The following EXOSC6 variants were observed in gnomAD, a reference collection of about 807,000 sequenced individuals.
The protein encoded by EXOSC6 is exosome component 6, also known as exosome complex component MTR3.
A neutral mutation model predicts 16.7 loss-of-function variants in EXOSC6; 21 were observed. The observed-to-expected ratio is 1.26, with a 90% CI of 0.89 to 1.82. The LOEUF (loss-of-function observed/expected upper bound fraction) is 1.82. Ranked by LOEUF, EXOSC6 falls within the 40% of genes most tolerant of loss-of-function variation. The pLI is 0.00. For synonymous variants in EXOSC6, 297 were observed against 217.1 expected, an observed-to-expected ratio of 1.37 and a Z score of -3.24; for missense variants, 538 against 415.7, an observed-to-expected ratio of 1.29 and a Z score of -2.56.
chr16:70,251,054 T>G lies in EXOSC6; in HGVS notation c.*28A>C, dbSNP rs1330375147. The G allele has an allele frequency of 2.1e-6, 3 of 1,445,764 alleles. No homozygotes were observed. The highest frequency in any genetic ancestry group is 2.7e-6 in the Non-Finnish European group (3 of 1,110,898). 89.6% of individuals were successfully genotyped at this position (1,445,764 alleles called of 1,614,324 possible). A position where few individuals can be genotyped will look rare whatever the true frequency, so the allele number is the denominator to read the frequency against. ...GACGGCGGCAGCACGGTCCTCGGCT[T>G]GCGTCCGTAGTTGCTCAGGCTTCTG... On this transcript the variant is annotated 3_prime_UTR_variant, in exon 1 of 1. Coordinates refer to ENST00000435634, the MANE Select transcript of EXOSC6 (RefSeq NM_058219.3).
Position 70,251,446 on chromosome 16 carries a change from TC to T in EXOSC6, c.454del (p.Glu152ArgfsTer68). On this transcript the variant is annotated frameshift_variant, in exon 1 of 1. Coordinates refer to ENST00000435634, the MANE Select transcript of EXOSC6 (RefSeq NM_058219.3). LOFTEE classifies it high-confidence loss of function. ...AQLEVSALLL[E>X]DGGSALAAAL... ...GGCGGCCAGGGCCGAGCCACCGTCC[TC>T]CAGCAGCAGCGCCGACACCTCGAGC... 1 of 1,346,974 alleles carries T rather than the reference TC, an allele frequency of 7.4e-7. No homozygotes were observed. Among genetic ancestry groups the T allele is most frequent in the Non-Finnish European group, 9.5e-7 (1 of 1,051,110 alleles). The allele number at this position is 1,346,974 out of a possible 1,614,324, so 83.4% of individuals were successfully genotyped here. A position where few individuals can be genotyped will look rare whatever the true frequency, so the allele number is the denominator to read the frequency against.
chr16:70,251,495 G>C lies in EXOSC6; in HGVS notation c.406C>G (p.Leu136Val). 7.7e-7 allele frequency: 1 copy of C among 1,305,570 alleles called. No homozygotes were observed. The highest frequency in any genetic ancestry group is 9.8e-7 in the Non-Finnish European group (1 of 1,024,192). 80.9% of individuals were successfully genotyped at this position (1,305,570 alleles called of 1,614,324 possible). ...LQEALEPAVR[L>V]GRYPRAQLEV... ...AGCTGCGCGCGCGGGTAGCGGCCCA[G>C]GCGCACAGCCGGCTCCAGCGCCTCC... Residue 136 changes from leucine to valine, a missense_variant, in exon 1 of 1, where the codon CTG becomes GTG. Coordinates refer to ENST00000435634, the MANE Select transcript of EXOSC6 (RefSeq NM_058219.3).
rs984731671 is a variant in EXOSC6 at position 70,249,689 on chromosome 16, G to GA, written c.*1392dup. 2 of 151,972 alleles carry GA rather than the reference G, an allele frequency of 1.3e-5. No individual in the cohort carries two copies. The highest frequency in any genetic ancestry group is 2.9e-5 in the Non-Finnish European group (2 of 67,982). The allele number at this position is 151,972 out of a possible 1,614,324, so 9.4% of individuals were successfully genotyped here. On this transcript the variant is annotated 3_prime_UTR_variant, in exon 1 of 1. Transcript: ENST00000435634. The stretch of plus-strand genomic sequence containing the variant: ...AAAAAACATTTACTAAAAACCAGAG[G>GA]AAAAAAATCTTATAACTTTGGGAGG...
In EXOSC6 at chr16:70,248,710, C is replaced by T. The variant is rs1157668376; in HGVS notation, c.*2372G>A. 6.6e-6 allele frequency: 1 copy of T among 151,932 alleles called. No individual in the cohort carries two copies. The highest frequency in any genetic ancestry group is 6.6e-5 in the Admixed American group (1 of 15,248). The allele number at this position is 151,932 out of a possible 1,614,324, so 9.4% of individuals were successfully genotyped here. ...TCCCAGGCACAAGCGATCCTCCTGC[C>T]TCAGCCTTCAAGTAGCTGGGACTAC... On this transcript the variant is annotated 3_prime_UTR_variant, in exon 1 of 1. Coordinates refer to ENST00000435634, the MANE Select transcript of EXOSC6 (RefSeq NM_058219.3).
In EXOSC6 at chr16:70,247,199, A is replaced by T. The variant is rs1287526008; in HGVS notation, c.*3883T>A. The stretch of plus-strand genomic sequence containing the variant: ...CAGTGAGCTGAGATTGCACCGCTGC[A>T]CTCCAGCCTGGACAATACAGCCAGA... On this transcript the variant is annotated 3_prime_UTR_variant, in exon 1 of 1. Coordinates refer to ENST00000435634, the MANE Select transcript of EXOSC6 (RefSeq NM_058219.3). The T allele has an allele frequency of 4.5e-6, 1 of 220,970 alleles. No homozygotes were observed. The highest frequency in any genetic ancestry group is 9.0e-6 in the Non-Finnish European group (1 of 111,034). 13.7% of individuals were successfully genotyped at this position (220,970 alleles called of 1,614,324 possible).
rs1020141310 is a variant in EXOSC6, at chr16:70,251,700, C to T, written c.201G>A (p.Ser67=). 18 of 1,302,968 alleles carry T rather than the reference C, an allele frequency of 1.4e-5. No individual in the cohort carries two copies. In the African/African-American group the frequency reaches 2.5e-4, roughly 18 times the overall value. 80.7% of individuals were successfully genotyped at this position (1,302,968 alleles called of 1,614,324 possible). A position where few individuals can be genotyped will look rare whatever the true frequency, so the allele number is the denominator to read the frequency against. ...AGGTKVLCAV[S]GPRQAEGGER... is the part of the protein sequence containing the mutation. The stretch of plus-strand genomic sequence containing the variant: ...CGCCGCCCTCGGCCTGTCGCGGGCC[C>T]GACACGGCACACAGCACCTTGGTGC... Residue 67 remains serine, a synonymous_variant, in exon 1 of 1, where the codon TCG becomes TCA. Coordinates refer to ENST00000435634, the MANE Select transcript of EXOSC6 (RefSeq NM_058219.3).
chr16:70,247,356 T>C lies in EXOSC6; in HGVS notation c.*3726A>G, dbSNP rs1959715437. ...TTCAATGTTTGTTAACATTAGTCCT[T>C]AATAACATCTGTTTACAATATCCCT... On this transcript the variant is annotated 3_prime_UTR_variant, in exon 1 of 1. Coordinates refer to ENST00000435634, the MANE Select transcript of EXOSC6 (RefSeq NM_058219.3). 1 of 152,946 alleles carries C rather than the reference T, an allele frequency of 6.5e-6. No homozygotes were observed. Among genetic ancestry groups the C allele is most frequent in the Admixed American group, 6.5e-5 (1 of 15,296 alleles). The allele number at this position is 152,946 out of a possible 1,614,324, so 9.5% of individuals were successfully genotyped here.
At position 70,251,791 on chromosome 16, in the gene EXOSC6, C is replaced by T. The variant is rs781217289; in HGVS notation, c.110G>A (p.Arg37Gln). 4 of 1,494,726 alleles carry T rather than the reference C, an allele frequency of 2.7e-6. No homozygotes were observed. The South Asian group carries it at 3.8e-5, about 14-fold the overall frequency. 92.6% of individuals were successfully genotyped at this position (1,494,726 alleles called of 1,614,324 possible). ...APGTRDPTRL[R>Q]PVYARAGLLS... ...CAGCCCGGCGCGCGCGTACACGGGC[C>T]GTAGCCGCGTTGGGTCGCGGGTGCC... The change falls in exon 1 of 1, where the codon CGG (arginine) becomes CAG (glutamine). Residue 37 changes from arginine (R) to glutamine (Q), a missense_variant. Transcript: ENST00000435634.
Position 70,249,241 on chromosome 16 carries a change from A to G in EXOSC6, c.*1841T>C, listed in dbSNP as rs1036500536. 1 of 151,944 alleles carries G rather than the reference A, an allele frequency of 6.6e-6. No homozygotes were observed. Among genetic ancestry groups the G allele is most frequent in the African/African-American group, 2.4e-5 (1 of 41,320 alleles). The allele number at this position is 151,944 out of a possible 1,614,324, so 9.4% of individuals were successfully genotyped here. A position where few individuals can be genotyped will look rare whatever the true frequency, so the allele number is the denominator to read the frequency against. On this transcript the variant is annotated 3_prime_UTR_variant, in exon 1 of 1. Coordinates refer to ENST00000435634, the MANE Select transcript of EXOSC6 (RefSeq NM_058219.3). Reference sequence around the variant, plus strand: ...CAATGAAAATCCATCTCTACTAAAAATACAAAAATTAGCCAGGCTAATGGC... The same window carrying G: ...CAATGAAAATCCATCTCTACTAAAAGTACAAAAATTAGCCAGGCTAATGGC...
At position 70,251,543 on chromosome 16, in the gene EXOSC6, G is replaced by A; in HGVS notation, c.358C>T (p.Arg120Cys). ...RRAPPGGCEE[R>C]ELALALQEAL... ...TCCTGCAGCGCCAGCGCCAGCTCAC[G>A]CTCCTCGCAGCCGCCCGGGGGAGCG... The change falls in exon 1 of 1, where the codon CGT becomes TGT. Residue 120 changes from arginine to cysteine, a missense_variant. By Grantham distance (180) the Arg-to-Cys change is radical. Coordinates refer to ENST00000435634, the MANE Select transcript of EXOSC6 (RefSeq NM_058219.3). 8.3e-7 allele frequency: 1 copy of A among 1,204,564 alleles called. No individual in the cohort carries two copies. The highest frequency in any genetic ancestry group is 1.0e-6 in the Non-Finnish European group (1 of 969,522). The allele number at this position is 1,204,564 out of a possible 1,614,324, so 74.6% of individuals were successfully genotyped here. A position where few individuals can be genotyped will look rare whatever the true frequency, so the allele number is the denominator to read the frequency against.
In EXOSC6 at chr16:70,251,801, T is replaced by C; in HGVS notation, c.100A>G (p.Thr34Ala). The part of the protein sequence containing the change: ...EEEAPGTRDP[T>A]RLRPVYARAG... ...CGCGCGTACACGGGCCGTAGCCGCGTTGGGTCGCGGGTGCCGGGCGCCTCC... is the reference window on the plus strand; with the variant it reads ...CGCGCGTACACGGGCCGTAGCCGCGCTGGGTCGCGGGTGCCGGGCGCCTCC... The change falls in exon 1 of 1, where the codon ACG becomes GCG. Residue 34 changes from threonine to alanine, a missense_variant. Thr to Ala is a moderately conservative substitution (Grantham distance 58). Coordinates refer to ENST00000435634, the MANE Select transcript of EXOSC6 (RefSeq NM_058219.3). 9 of 1,512,094 alleles carry C rather than the reference T, an allele frequency of 6.0e-6. No homozygotes were observed. Among genetic ancestry groups the C allele is most frequent in the Non-Finnish European group, 7.9e-6 (9 of 1,140,236 alleles). 93.7% of individuals were successfully genotyped at this position (1,512,094 alleles called of 1,614,324 possible).
rs1384375235 is a variant in EXOSC6 at position 70,251,579 on chromosome 16, G to A, written c.322C>T (p.Arg108Cys). The A allele has an allele frequency of 4.6e-6, 5 of 1,094,152 alleles. No individual in the cohort carries two copies. In the African/African-American group the frequency reaches 6.7e-5, roughly 15 times the overall value. The allele number at this position is 1,094,152 out of a possible 1,614,324, so 67.8% of individuals were successfully genotyped here. ...CCGCCCGGGGGAGCGCGGCGCCGGC[G>A]GCCCGCGAAGGGTGCGCGGCGGAAG... ...CDFRRAPFAG[R>C]RRRAPPGGCE... The change falls in exon 1 of 1, where the codon CGC (arginine) becomes TGC (cysteine). Residue 108 changes from arginine to cysteine, a missense_variant. Transcript: ENST00000435634.
rs1959745686 is a variant in EXOSC6 at position 70,248,924 on chromosome 16, A to G, written c.*2158T>C. On this transcript the variant is annotated 3_prime_UTR_variant, in exon 1 of 1. Transcript: ENST00000435634. ...AGCCACCATGCCCAGTTAAAAATAC[A>G]CTTTTTATTTAAAAAAAAAAGAGAA... is the stretch of plus-strand genomic sequence containing the variant. 1 of 148,056 alleles carries G rather than the reference A, an allele frequency of 6.8e-6. No individual in the cohort carries two copies. Among genetic ancestry groups the G allele is most frequent in the South Asian group, 2.1e-4 (1 of 4,736 alleles). 9.2% of individuals were successfully genotyped at this position (148,056 alleles called of 1,614,324 possible).
In EXOSC6 at chr16:70,251,915, T is replaced by G. The variant is rs1959838877; in HGVS notation, c.-15A>C. On this transcript the variant is annotated 5_prime_UTR_variant, in exon 1 of 1. Coordinates refer to ENST00000435634, the MANE Select transcript of EXOSC6 (RefSeq NM_058219.3). ...TCCCCAGGCATGGCGGTTCTTGGCG[T>G]GCGAACCCCTTCCGCCCAACGCCCT... is the stretch of plus-strand genomic sequence containing the variant. 1.0e-5 allele frequency: 15 copies of G among 1,497,334 alleles called. No individual in the cohort carries two copies. The East Asian group carries it at 4.2e-4, about 41-fold the overall frequency. The allele number at this position is 1,497,334 out of a possible 1,614,324, so 92.8% of individuals were successfully genotyped here.
chr16:70,250,465 TC>T lies in EXOSC6; in HGVS notation c.*616del, dbSNP rs1198731111. ...GGGTGGATCACCTGAGGTCAGGCAT[TC>T]GAGAACAGCCTGGCCCACATGGCGA... is the stretch of plus-strand genomic sequence containing the variant. On this transcript the variant is annotated 3_prime_UTR_variant, in exon 1 of 1. Coordinates refer to ENST00000435634, the MANE Select transcript of EXOSC6 (RefSeq NM_058219.3). 2.0e-5 allele frequency: 3 copies of T among 151,794 alleles called. No homozygotes were observed. Among genetic ancestry groups the T allele is most frequent in the African/African-American group, 7.3e-5 (3 of 41,280 alleles). 9.4% of individuals were successfully genotyped at this position (151,794 alleles called of 1,614,324 possible).
Position 70,249,438 on chromosome 16 carries a change from A to G in EXOSC6, c.*1644T>C, listed in dbSNP as rs1235950735. 1.3e-5 allele frequency: 2 copies of G among 152,168 alleles called. No individual in the cohort carries two copies. The highest frequency in any genetic ancestry group is 4.8e-5 in the African/African-American group (2 of 41,422). 9.4% of individuals were successfully genotyped at this position (152,168 alleles called of 1,614,324 possible). On this transcript the variant is annotated 3_prime_UTR_variant, in exon 1 of 1. Coordinates refer to ENST00000435634, the MANE Select transcript of EXOSC6 (RefSeq NM_058219.3). ...ATATTTTAATATATTCAGATACACA[A>G]ATATGAAATAAAACTAAGTAGAGCT...
chr16:70,251,672 G>C lies in EXOSC6; in HGVS notation c.229C>G (p.Arg77Gly). ...SGPRQAEGGE[R>G]GGGPAGAGGE... ...CCTGCTCCGGCCGGGCCGCCGCCGC[G>C]CTCGCCGCCCTCGGCCTGTCGCGGG... The change falls in exon 1 of 1, where the codon CGC (arginine) becomes GGC (glycine). Residue 77 changes from arginine (R) to glycine (G), a missense_variant. By Grantham distance (125) the Arg-to-Gly change is moderately radical. Transcript: ENST00000435634. 2.4e-6 allele frequency: 3 copies of C among 1,233,010 alleles called. No homozygotes were observed. Among genetic ancestry groups the C allele is most frequent in the East Asian group, 3.3e-5 (1 of 30,538 alleles). 76.4% of individuals were successfully genotyped at this position (1,233,010 alleles called of 1,614,324 possible).
chr16:70,249,105 A>G lies in EXOSC6; in HGVS notation c.*1977T>C, dbSNP rs1206019203. Reference sequence around the variant, plus strand: ...TTAAAATCTTACTCAAAACTAAATCAATGATCTTTTAGGCCAGGTGTGGTG... The same window carrying G: ...TTAAAATCTTACTCAAAACTAAATCGATGATCTTTTAGGCCAGGTGTGGTG... On this transcript the variant is annotated 3_prime_UTR_variant, in exon 1 of 1. Transcript: ENST00000435634. The G allele has an allele frequency of 6.6e-6, 1 of 151,808 alleles. No homozygotes were observed. The highest frequency in any genetic ancestry group is 1.5e-5 in the Non-Finnish European group (1 of 67,990). 9.4% of individuals were successfully genotyped at this position (151,808 alleles called of 1,614,324 possible).
Position 70,251,207 on chromosome 16 carries a change from C to T in EXOSC6, c.694G>A (p.Gly232Ser), listed in dbSNP as rs1321602188. 1.3e-6 allele frequency: 2 copies of T among 1,509,942 alleles called. No individual in the cohort carries two copies. The highest frequency in any genetic ancestry group is 1.2e-5 in the South Asian group (1 of 81,412). The allele number at this position is 1,509,942 out of a possible 1,614,324, so 93.5% of individuals were successfully genotyped here. ...GCCTCCGCCCAGCTCTCTGTCAGGC[C>T]GCCCTCGCCGCTGCCCAGCAGCCCG... The part of the protein sequence containing the change: ...VAGLLGSGEG[G>S]LTESWAEAVR... Residue 232 changes from glycine (G) to serine (S), a missense_variant, in exon 1 of 1, where the codon GGC becomes AGC. By Grantham distance (56) the Gly-to-Ser change is moderately conservative. Transcript: ENST00000435634.
Sources: allele counts gnomAD v4.1 joint callset, GRCh38; gene constraint gnomAD v4.1.1; transcripts MANE v1.5; gene names NCBI Gene and HGNC (gene_info 2026-07-23, HGNC 2026-07-21).